DHRSX: variants seen among roughly 807,000 people sequenced by gnomAD.
DHRSX encodes the protein polyprenol dehydrogenase.
A neutral mutation model predicts 34.0 loss-of-function variants in DHRSX; 31 were observed. The observed-to-expected ratio is 0.91, with a 90% CI of 0.69 to 1.23. The LOEUF (loss-of-function observed/expected upper bound fraction) is 1.23. Among genes scored for constraint, DHRSX ranks in the 50% most tolerant of loss-of-function variants. The pLI is 0.00. For missense variants in DHRSX, 414 were observed against 428.1 expected (o/e 0.97, Z 0.29); for synonymous variants, 201 against 183.8 (o/e 1.09, Z -0.76).
chrX:2,244,944 A>T (rs62595475), intron 5 of DHRSX, among the ~76,000 whole-genome samples: 140,025 of 152,050 alleles, frequency 0.92, 64,627 homozygotes, highest in East Asian at 1. Flanking sequence ...TCTCCTGACC[A>T]CGTGATCTGC....
At chrX:2,398,971 G>C (rs1205104577) in intron 3 of DHRSX, among the ~76,000 whole-genome samples, 1 of 152,114 alleles carries the variant, frequency 6.6e-6, no homozygotes, top group African/African-American at 2.4e-5. Context: ...TCCCACCTCA[G>C]CCTCCCGAGT....
At chrX:2,422,374 C>T (rs771049073) in intron 2 of DHRSX, among the ~76,000 whole-genome samples, 151 of 151,828 alleles carry the variant, frequency 9.9e-4, no homozygotes, top group Non-Finnish European at 1.8e-3. Flanking sequence ...GCGATGCTCC[C>T]GCCTCAGCCT....
chrX:2,261,770 G>GA lies in DHRSX; in HGVS notation c.596+4969dup, dbSNP rs1001548744. ...TGGGAGACAGAGTGAGACTCCATCT[G>GA]AAAAAAAAAATGAGTAAATACAACA... On this transcript the variant is annotated intron_variant, in intron 5 of 6. Transcript: ENST00000334651. 4.2e-4 allele frequency: 62 copies of GA among 148,434 alleles called. 1 individual carries two copies. The highest frequency in any genetic ancestry group is 6.9e-3 in the Middle Eastern group (2 of 288). 9.2% of individuals were successfully genotyped at this position (148,434 alleles called of 1,614,324 possible).
intron 3 of DHRSX, among the ~76,000 whole-genome samples, chrX:2,371,521 C>G (rs866445342): frequency 3.0e-5 from 4 of 134,372 alleles, no homozygotes; most frequent in Admixed American, 1.5e-4. Flanking sequence ...ACCACAGCCC[C>G]TCCTCCGTTA....
intron 1 of DHRSX, among the ~76,000 whole-genome samples, chrX:2,438,306 T>TAC (rs113154779): frequency 0.16 from 23,480 of 149,532 alleles, 2,356 homozygotes; most frequent in Non-Finnish European, 0.23. Context: ...ACAGAATGCA[T>TAC]ACACACACAC....
At chrX:2,373,083 G>A (rs1483330539) in intron 3 of DHRSX, among the ~76,000 whole-genome samples, 1 of 152,214 alleles carries the variant, frequency 6.6e-6, no homozygotes, top group Non-Finnish European at 1.5e-5. Flanking sequence ...CACGACGGAA[G>A]ACGAAAACCA....
intron 6 of DHRSX, among the ~76,000 whole-genome samples, chrX:2,230,926 T>C (rs1324714257): frequency 6.6e-6 from 1 of 152,110 alleles, no homozygotes; most frequent in Non-Finnish European, 1.5e-5. Flanking sequence ...CTGCGACTAA[T>C]ACAAAATTGA....
At position 2,338,466 on chromosome X, in the gene DHRSX, T is replaced by C. The variant is rs181203872; in HGVS notation, c.287-46863A>G. ...CTCCTCTCCCAAACTCAGGTTAAAA[T>C]GTAAGCCTCAGTGCTGGATGGGAGG... On this transcript the variant is annotated intron_variant, in intron 3 of 6. Coordinates refer to ENST00000334651, the MANE Select transcript of DHRSX (RefSeq NM_145177.3). Among the ~76,000 whole-genome samples the C allele has an allele frequency of 4.1e-3, 630 of 152,034 alleles. 4 individuals carry two copies. Among genetic ancestry groups the C allele is most frequent in the African/African-American group, 0.014 (588 of 41,524 alleles).
At chrX:2,304,156 G>A (rs1471012677) in intron 3 of DHRSX, among the ~76,000 whole-genome samples, 3 of 145,442 alleles carry the variant, frequency 2.1e-5, no homozygotes, top group Admixed American at 6.9e-5. Context: ...TGGATGGATG[G>A]ATGGATGGAT....
At chrX:2,432,065 C>T (rs1460324566) in intron 1 of DHRSX, among the ~76,000 whole-genome samples, 1 of 151,856 alleles carries the variant, frequency 6.6e-6, no homozygotes, top group Admixed American at 6.6e-5. Flanking sequence ...GTGGTGTGTG[C>T]CACCTGTAAT....
rs1291130654 is a variant in DHRSX at position 2,362,454 on chromosome X, C to A, written c.286+46291G>T. ...TAGCTGGGATTACAGGCGCCCACCA[C>A]CATATGCCACTAATTTTTGTATTTT... On this transcript the variant is annotated intron_variant, in intron 3 of 6. Coordinates refer to ENST00000334651, the MANE Select transcript of DHRSX (RefSeq NM_145177.3). Among the ~76,000 whole-genome samples the A allele has an allele frequency of 1.6e-4, 24 of 152,298 alleles. No individual in the cohort carries two copies. In the South Asian group the frequency reaches 1.7e-3, roughly 11 times the overall value.
At chrX:2,489,532 C>T in intron 1 of DHRSX, 12 of 1,612,942 alleles carry the variant, frequency 7.4e-6, no homozygotes, top group Non-Finnish European at 9.3e-6. Flanking sequence ...GCTCCACCAG[C>T]CCCTCGATGG....
chrX:2,298,985 CAAAAAAAAAAAAA>C (rs1162323678), intron 3 of DHRSX, among the ~76,000 whole-genome samples: 5 of 88,534 alleles, frequency 5.6e-5, no homozygotes, highest in Non-Finnish European at 1.0e-4. Flanking sequence ...AACTCTGTCT[CAAAAAAAAAAAAA>C]AAAAAAAAAA....
intron 1 of DHRSX, among the ~76,000 whole-genome samples, chrX:2,430,252 C>A (rs1315434095): frequency 2.2e-4 from 21 of 96,012 alleles, no homozygotes; most frequent in African/African-American, 1.1e-3. Context: ...TAGCGAGACC[C>A]CAGCTCAAAA....
intron 5 of DHRSX, among the ~76,000 whole-genome samples, chrX:2,259,041 G>A (rs1169659407): frequency 3.9e-5 from 6 of 152,184 alleles, no homozygotes; most frequent in African/African-American, 4.8e-5. Flanking sequence ...TTGGGAGGCC[G>A]AGGCGAGAGG....
At chrX:2,395,625 C>T (rs1369628318) in intron 3 of DHRSX, among the ~76,000 whole-genome samples, 1 of 152,038 alleles carries the variant, frequency 6.6e-6, no homozygotes, top group South Asian at 2.1e-4. Flanking sequence ...TGGATGGGGG[C>T]GTGTCCACCT....
At chrX:2,233,502 C>G (rs1223463267) in intron 6 of DHRSX, among the ~76,000 whole-genome samples, 1 of 152,014 alleles carries the variant, frequency 6.6e-6, no homozygotes, top group African/African-American at 2.4e-5. Context: ...AAGTTCCAGA[C>G]GCCCGGCTGG....
intron 3 of DHRSX, among the ~76,000 whole-genome samples, chrX:2,313,813 T>C (rs2042193325): frequency 6.6e-6 from 1 of 152,048 alleles, no homozygotes; most frequent in African/African-American, 2.4e-5. Flanking sequence ...GGGTGCAGCT[T>C]GATTTTATAT....
intron 6 of DHRSX, among the ~76,000 whole-genome samples, chrX:2,233,639 T>C (rs1323483689): frequency 6.6e-6 from 1 of 152,114 alleles, no homozygotes; most frequent in African/African-American, 2.4e-5. Flanking sequence ...CCAATGAATG[T>C]TTATTAAATG....
Sources: allele counts gnomAD v4.1 joint callset (sites outside exome capture counted in the v4.1 genomes callset), GRCh38; gene constraint gnomAD v4.1.1; transcripts MANE v1.5; gene names NCBI Gene and HGNC (gene_info 2026-07-23, HGNC 2026-07-21).